The following PKNOX2 variants were observed in gnomAD, a reference collection of about 807,000 sequenced individuals.
PKNOX2 encodes the protein homeobox protein PKNOX2.
A neutral mutation model predicts 53.1 loss-of-function variants in PKNOX2; 14 were observed. That is an observed-to-expected ratio of 0.26 (90% CI 0.17 to 0.41). The LOEUF (loss-of-function observed/expected upper bound fraction) is 0.41. PKNOX2 is among the 10% of genes least tolerant of loss of function. The pLI is 1.00. For missense variants in PKNOX2, 496 were observed against 602.8 expected, an observed-to-expected ratio of 0.82 and a Z score of 1.85; for synonymous variants, 257 against 242.8, an observed-to-expected ratio of 1.06 and a Z score of -0.54.
chr11:125,172,690 T>A (rs572495061), intron 1 of PKNOX2, among the ~76,000 whole-genome samples: 1 of 152,310 alleles, frequency 6.6e-6, no homozygotes, highest in African/African-American at 2.4e-5. Context: ...GATTCCATAT[T>A]TCCTCCCAAT....
intron 2 of PKNOX2, among the ~76,000 whole-genome samples, chr11:125,281,420 G>A (rs1946549945): frequency 6.6e-6 from 1 of 152,214 alleles, no homozygotes; most frequent in South Asian, 2.1e-4. Flanking sequence ...TAGACAAGGT[G>A]GGCTTGTGTG....
At chr11:125,169,148 C>G (rs1038870129) in intron 1 of PKNOX2, among the ~76,000 whole-genome samples, 1 of 152,154 alleles carries the variant, frequency 6.6e-6, no homozygotes, top group Non-Finnish European at 1.5e-5. Context: ...GTGTCTGGAT[C>G]AAACAAAACG....
At chr11:125,205,712 T>G (rs1490874163) in intron 1 of PKNOX2, among the ~76,000 whole-genome samples, 1 of 151,998 alleles carries the variant, frequency 6.6e-6, no homozygotes. Flanking sequence ...CAGCCCAATC[T>G]CGACTTCCCC....
intron 4 of PKNOX2, among the ~76,000 whole-genome samples, chr11:125,353,030 T>A (rs1359140604): frequency 6.6e-6 from 1 of 152,144 alleles, no homozygotes; most frequent in East Asian, 1.9e-4. Context: ...AGGGGCAAGA[T>A]CATCCTTCTT....
At chr11:125,423,966 G>GC (rs1221148522) in intron 10 of PKNOX2, among the ~76,000 whole-genome samples, 1 of 152,176 alleles carries the variant, frequency 6.6e-6, no homozygotes, top group Non-Finnish European at 1.5e-5. Context: ...GTTAAACAGA[G>GC]CCAGCATGGA....
chr11:125,404,597 G>A (rs150813160), intron 7 of PKNOX2, among the ~76,000 whole-genome samples: 28 of 151,940 alleles, frequency 1.8e-4, no homozygotes, highest in African/African-American at 6.3e-4. Context: ...GCACATTTGC[G>A]CGGGCACACA....
At chr11:125,236,437 G>A (rs1001317406) in intron 2 of PKNOX2, among the ~76,000 whole-genome samples, 9 of 152,090 alleles carry the variant, frequency 5.9e-5, no homozygotes, top group South Asian at 2.1e-4. Context: ...TGTGAGAATC[G>A]ATGTCTCCTC....
intron 3 of PKNOX2, among the ~76,000 whole-genome samples, chr11:125,341,916 G>A (rs934934930): frequency 7.9e-5 from 12 of 152,196 alleles, no homozygotes; most frequent in African/African-American, 1.2e-4. Flanking sequence ...CAGTGTACCC[G>A]CCCTCCTTCC....
chr11:125,290,246 C>T (rs1240731415), intron 2 of PKNOX2, among the ~76,000 whole-genome samples: 1 of 152,170 alleles, frequency 6.6e-6, no homozygotes, highest in Non-Finnish European at 1.5e-5. Flanking sequence ...TAATTGGCTA[C>T]CCCTCCCAAA....
chr11:125,260,647 C>T (rs577045599), intron 2 of PKNOX2, among the ~76,000 whole-genome samples: 52 of 152,254 alleles, frequency 3.4e-4, no homozygotes, highest in African/African-American at 7.2e-4. Context: ...TTGGGGGTGA[C>T]GTCTCCCTAG....
intron 4 of PKNOX2, among the ~76,000 whole-genome samples, chr11:125,363,584 C>A (rs1338362410): frequency 1.3e-5 from 2 of 152,204 alleles, no homozygotes; most frequent in Non-Finnish European, 2.9e-5. Context: ...GACAGTCCTC[C>A]ATGCCTACCC....
chr11:125,394,283 G>C (rs78801963), intron 6 of PKNOX2, among the ~76,000 whole-genome samples: 34 of 152,238 alleles, frequency 2.2e-4, no homozygotes, highest in African/African-American at 7.7e-4. Flanking sequence ...TCCACTTTGG[G>C]GTCCAAATGA....
intron 6 of PKNOX2, 38 bp downstream of exon 6, chr11:125,385,760 C>T (rs1177388295): frequency 1.9e-6 from 3 of 1,594,818 alleles, no homozygotes; most frequent in Non-Finnish European, 2.6e-6. Flanking sequence ...CTAGAGTCTT[C>T]CTACCCTCTG....
chr11:125,320,600 C>T (rs1157815272), intron 2 of PKNOX2, among the ~76,000 whole-genome samples: 1 of 152,198 alleles, frequency 6.6e-6, no homozygotes, highest in Non-Finnish European at 1.5e-5. Context: ...ACCTCCTCCC[C>T]ATTTAGCTAA....
Position 125,281,111 on chromosome 11 carries a change from A to G in PKNOX2, c.-130+45996A>G, listed in dbSNP as rs546968949. ...CTGACAGCTCTCGTGTCAGGGTTTC[A>G]TGAGGCTCAGCTTTGTCTGGAGCTC... On this transcript the variant is annotated intron_variant, in intron 2 of 12. Coordinates refer to ENST00000298282, the MANE Select transcript of PKNOX2 (RefSeq NM_001382323.2). Among the ~76,000 whole-genome samples the G allele has an allele frequency of 3.3e-5, 5 of 152,278 alleles. No homozygotes were observed. In the South Asian group the frequency reaches 1.0e-3, roughly 32 times the overall value.
intron 2 of PKNOX2, among the ~76,000 whole-genome samples, chr11:125,289,118 A>T (rs150831036): frequency 1.3e-5 from 2 of 152,080 alleles, no homozygotes; most frequent in Non-Finnish European, 2.9e-5. Context: ...TCTCCAGAGG[A>T]TGGGCAGTGG....
intron 2 of PKNOX2, among the ~76,000 whole-genome samples, chr11:125,273,855 G>A (rs1372784023): frequency 2.6e-5 from 4 of 152,132 alleles, no homozygotes; most frequent in Non-Finnish European, 5.9e-5. Context: ...ATACATATTT[G>A]ACTACTGTTG....
intron 2 of PKNOX2, among the ~76,000 whole-genome samples, chr11:125,261,468 GC>G (rs1456826149): frequency 6.6e-6 from 1 of 152,212 alleles, no homozygotes; most frequent in Non-Finnish European, 1.5e-5. Context: ...TGTCTCTGTT[GC>G]ATGTGGTAGA....
At chr11:125,255,683 C>T (rs12291746) in intron 2 of PKNOX2, among the ~76,000 whole-genome samples, 36,005 of 150,750 alleles carry the variant, frequency 0.24, 5,421 homozygotes, top group Non-Finnish European at 0.33. Flanking sequence ...TGCGGGGTGA[C>T]GTACTAGAGA....
Sources: gnomAD v4.1 joint callset for allele counts (sites outside exome capture counted in the v4.1 genomes callset) on GRCh38, gnomAD v4.1.1 for gene constraint, MANE v1.5 for transcripts, NCBI Gene and HGNC (gene_info 2026-07-23, HGNC 2026-07-21) for gene names.